Variants in MKLN1 observed in about 807,000 individuals in gnomAD.
The protein encoded by MKLN1 is muskelin 1.
A neutral mutation model predicts 99.0 loss-of-function variants in MKLN1; 18 were observed. The ratio of observed to expected loss-of-function variants is 0.18; its 90% CI spans 0.13 to 0.27. The LOEUF is 0.27. Ranked by LOEUF, MKLN1 falls within the 10% of genes least tolerant of loss-of-function variation. The pLI is 1.00. For synonymous variants in MKLN1, 288 were observed against 293.2 expected (o/e 0.98, Z 0.18); for missense variants, 621 against 875.9 (o/e 0.71, Z 3.67).
chr7:131,323,684 A>G (rs11978923), upstream of MKLN1: 68,215 of 151,970 alleles, frequency 0.45, 16,818 homozygotes, highest in Admixed American at 0.59. Flanking sequence ...ATAACTCAGG[A>G]ACTTTTCAAA....
At chr7:131,423,572 T>A (rs1795267587) in intron 8 of MKLN1, among the ~76,000 whole-genome samples, 1 of 152,190 alleles carries the variant, frequency 6.6e-6, no homozygotes, top group Admixed American at 6.5e-5. Flanking sequence ...CCTCAGGTGA[T>A]CCGCCTGCCT....
chr7:131,136,364 G>T (rs1795648703), intron 1 of MKLN1, among the ~76,000 whole-genome samples: 1 of 152,166 alleles, frequency 6.6e-6, no homozygotes, highest in Non-Finnish European at 1.5e-5. Flanking sequence ...CTATAAAAAT[G>T]TTATATTGAA....
intron 2 of MKLN1, among the ~76,000 whole-genome samples, chr7:131,178,384 G>C (rs1311402542): frequency 4.9e-5 from 7 of 142,500 alleles, no homozygotes; most frequent in African/African-American, 1.6e-4. Context: ...TGATCCACCT[G>C]CCTCGGCCTC....
At chr7:131,415,799 T>G (rs1280583012) in intron 8 of MKLN1, among the ~76,000 whole-genome samples, 7 of 152,338 alleles carry the variant, frequency 4.6e-5, no homozygotes, top group Non-Finnish European at 7.4e-5. Context: ...AACTGGTTTT[T>G]TATCCAGAAT....
intron 3 of MKLN1, among the ~76,000 whole-genome samples, chr7:131,203,525 A>T (rs1563251247): frequency 6.6e-6 from 1 of 152,194 alleles, no homozygotes; most frequent in Non-Finnish European, 1.5e-5. Context: ...GCACAAGGGG[A>T]ATTTCCACAT....
chr7:131,411,285 C>G, intron 6 of MKLN1, 21 bp from the exon 7 acceptor site: 1 of 1,496,652 alleles, frequency 6.7e-7, no homozygotes, highest in Non-Finnish European at 9.3e-7. Flanking sequence ...GTAATTCTTT[C>G]TCATTCTTCA....
At position 131,386,214 on chromosome 7, in the gene MKLN1, A is replaced by G. The variant is rs569276317; in HGVS notation, c.169-906A>G. ...TTTTTAGTAAAAACGGGGTTTCACC[A>G]TGTTGGCCAGGCCGGTCTCAAACCC... On this transcript the variant is annotated intron_variant, in intron 2 of 17. Coordinates refer to ENST00000352689, the MANE Select transcript of MKLN1 (RefSeq NM_013255.5). Among the ~76,000 whole-genome samples the G allele has an allele frequency of 5.3e-5, 8 of 152,096 alleles. No homozygotes were observed. In the South Asian group the frequency reaches 1.5e-3, roughly 28 times the overall value.
intron 1 of MKLN1, among the ~76,000 whole-genome samples, chr7:131,339,001 T>C (rs1554554297): frequency 6.6e-6 from 1 of 152,256 alleles, no homozygotes; most frequent in Non-Finnish European, 1.5e-5. Context: ...TTTTTTCTCT[T>C]CCTTATAGTT....
At chr7:131,399,873 C>T (rs890682186) in intron 6 of MKLN1, among the ~76,000 whole-genome samples, 2 of 152,058 alleles carry the variant, frequency 1.3e-5, no homozygotes, top group Non-Finnish European at 2.9e-5. Context: ...GGTGTGAATG[C>T]TATATAATTG....
At chr7:131,146,259 T>C (rs1795814123) in intron 2 of MKLN1, among the ~76,000 whole-genome samples, 1 of 152,130 alleles carries the variant, frequency 6.6e-6, no homozygotes, top group African/African-American at 2.4e-5. Flanking sequence ...GGAGAATCAC[T>C]AGAATCCAGG....
intron 17 of MKLN1, among the ~76,000 whole-genome samples, chr7:131,486,116 A>G (rs1003364389): frequency 1.3e-5 from 2 of 151,828 alleles, no homozygotes; most frequent in African/African-American, 4.8e-5. Flanking sequence ...AGAGAGAGAG[A>G]ACATATTTGA....
At chr7:131,234,541 G>C (rs1797288561) in intron 3 of MKLN1, among the ~76,000 whole-genome samples, 2 of 152,110 alleles carry the variant, frequency 1.3e-5, no homozygotes, top group Admixed American at 1.3e-4. Flanking sequence ...CTTGTGTTCT[G>C]GGAAGCCTGT....
intron 3 of MKLN1, among the ~76,000 whole-genome samples, chr7:131,274,209 T>C (rs1797928087): frequency 1.3e-5 from 2 of 152,290 alleles, no homozygotes; most frequent in East Asian, 3.9e-4. Flanking sequence ...GTCTCCAAGA[T>C]AACTGGCAAA....
At chr7:131,347,075 C>G (rs1289738046) in intron 1 of MKLN1, among the ~76,000 whole-genome samples, 1 of 152,206 alleles carries the variant, frequency 6.6e-6, no homozygotes, top group Non-Finnish European at 1.5e-5. Context: ...TCAGCTTTCA[C>G]TCTTCAGTGG....
chr7:131,429,258 A>C, intron 9 of MKLN1, 113 bp downstream of exon 9: 1 of 637,756 alleles, frequency 1.6e-6, no homozygotes, highest in South Asian at 3.3e-5. Flanking sequence ...GTAGCAATAG[A>C]ATTTGTGGTA....
chr7:131,443,519 T>C lies in MKLN1; in HGVS notation c.1212T>C (p.Phe404=), dbSNP rs760634368. The change falls in exon 11 of 18, where the codon TTT becomes TTC. Residue 404 remains phenylalanine (F), a synonymous_variant. Coordinates refer to ENST00000352689, the MANE Select transcript of MKLN1 (RefSeq NM_013255.5). ...MDSEKHMIYT[F]GGRILTCNGS... ...CAGAAAAACATATGATCTACACTTT[T>C]GGTGGTAGAATTTTGACTTGTAATG... 13 of 1,613,758 alleles carry C rather than the reference T, an allele frequency of 8.1e-6. No individual in the cohort carries two copies. The highest frequency in any genetic ancestry group is 1.6e-4 in the Middle Eastern group (1 of 6,084).
chr7:131,182,552 G>C (rs1299382319), intron 2 of MKLN1, among the ~76,000 whole-genome samples: 1 of 152,186 alleles, frequency 6.6e-6, no homozygotes, highest in Non-Finnish European at 1.5e-5. Context: ...AGCATTTTAA[G>C]GAATAACCAT....
At chr7:131,414,417 A>G (rs1584716151) in intron 7 of MKLN1, among the ~76,000 whole-genome samples, 1 of 152,290 alleles carries the variant, frequency 6.6e-6, no homozygotes, top group Non-Finnish European at 1.5e-5. Flanking sequence ...AATCAAAAAT[A>G]ACTTCCAAGT....
At chr7:131,285,083 G>C (rs1798112859) in intron 3 of MKLN1, 1 of 152,302 alleles carries the variant, frequency 6.6e-6, no homozygotes, top group Admixed American at 6.5e-5. Flanking sequence ...GGTGAGGATG[G>C]GGAACCGTTT....
Sources: gnomAD v4.1 joint callset for allele counts (sites outside exome capture counted in the v4.1 genomes callset) on GRCh38, gnomAD v4.1.1 for gene constraint, MANE v1.5 for transcripts, NCBI Gene and HGNC (gene_info 2026-07-23, HGNC 2026-07-21) for gene names.